The following ANO9 variants were observed in gnomAD, a reference collection of about 807,000 sequenced individuals.
ANO9 encodes the protein anoctamin-9.
In ANO9, 80 loss-of-function variants were observed where a neutral mutation model predicts 100.5. The ratio of observed to expected loss-of-function variants is 0.80; its 90% CI spans 0.66 to 0.96. The LOEUF (loss-of-function observed/expected upper bound fraction) is 0.96, where lower values mean the gene tolerates loss of function less well. Among genes scored for constraint, ANO9 ranks in the 40% least tolerant of loss-of-function variants. The pLI, the probability that ANO9 is intolerant of heterozygous loss-of-function variation, is 0.00. For synonymous variants in ANO9, 473 were observed against 435.6 expected (o/e 1.09, Z -1.07); for missense variants, 1,064 against 1,072.7 (o/e 0.99, Z 0.11).
chr11:436,224 C>T (rs886288570), intron 1 of ANO9, among the ~76,000 whole-genome samples: 4 of 152,036 alleles, frequency 2.6e-5, no homozygotes, highest in African/African-American at 4.8e-5. Context: ...TGCGCCACCA[C>T]GCCCAGCTGA....
chr11:424,905 C>CCT (rs1191637839), intron 15 of ANO9, among the ~76,000 whole-genome samples: 1 of 151,796 alleles, frequency 6.6e-6, no homozygotes, highest in Non-Finnish European at 1.5e-5. Context: ...GGAAATCTCT[C>CCT]CAGATGTTAC....
chr11:434,923 C>G (rs569674228), intron 1 of ANO9, among the ~76,000 whole-genome samples: 1 of 152,288 alleles, frequency 6.6e-6, no homozygotes, highest in South Asian at 2.1e-4. Context: ...GCACCTGAGT[C>G]CCTCCCCTCT....
chr11:436,063 C>CT (rs10707508), intron 1 of ANO9, among the ~76,000 whole-genome samples: 2,018 of 99,294 alleles, frequency 0.02, 85 homozygotes, highest in Non-Finnish European at 0.025. Context: ...CTTTTCTTTC[C>CT]TTTTTTTTTT....
chr11:437,693 TG>T (rs530454434), intron 1 of ANO9, among the ~76,000 whole-genome samples: 1 of 152,134 alleles, frequency 6.6e-6, no homozygotes, highest in East Asian at 1.9e-4. Flanking sequence ...GCAGCCTCCC[TG>T]GGGGGGACTG....
At chr11:418,867 G>C (rs1848002786) in intron 21 of ANO9, 21 bp downstream of exon 21, 2 of 1,613,550 alleles carry the variant, frequency 1.2e-6, no homozygotes, top group Non-Finnish European at 1.7e-6. Context: ...GGGCATTCTT[G>C]GGGGATGGGG....
intron 17 of ANO9, 32 bp downstream of exon 17, chr11:420,913 G>T: frequency 1.9e-6 from 3 of 1,597,036 alleles, no homozygotes. Flanking sequence ...GGGGCCTGGG[G>T]CTCCCGGGGC....
At position 420,781 on chromosome 11, in the gene ANO9, G is replaced by T. The variant is rs750147011; in HGVS notation, c.1570C>A (p.Arg524=). The T allele has an allele frequency of 1.0e-5, 16 of 1,600,804 alleles. No homozygotes were observed. Among genetic ancestry groups the T allele is most frequent in the South Asian group, 2.2e-5 (2 of 90,174 alleles). ...LPRDPELRDW[R]RNYLLNPVNT... ...ACCGGGTTCAGAAGGTAGTTGCGCCGCCAGTCCCTGAGCTCGGGGTCCCGG... is the reference window on the plus strand; with the variant it reads ...ACCGGGTTCAGAAGGTAGTTGCGCCTCCAGTCCCTGAGCTCGGGGTCCCGG... Residue 524 remains arginine (R), a synonymous_variant, in exon 18 of 23, where the codon CGG becomes AGG. Transcript: ENST00000332826.
Position 429,576 on chromosome 11 carries a change from C to G in ANO9, c.909G>C (p.Glu303Asp), listed in dbSNP as rs762694791. 6.2e-6 allele frequency: 10 copies of G among 1,612,376 alleles called. No individual in the cohort carries two copies. The East Asian group carries it at 2.2e-4, about 36-fold the overall frequency. Residue 303 changes from glutamate (E) to aspartate (D), a missense_variant, in exon 11 of 23, where the codon GAG (glutamate) becomes GAC (aspartate). Physicochemically the swap from Glu to Asp is conservative, Grantham distance 45. Transcript: ENST00000332826. ...VLHWDLYVWD[E>D]EQEEMALQLI... The stretch of plus-strand genomic sequence containing the variant: ...GCTGCCAGCTCCACCTCACCTGTTC[C>G]TCGTCCCACACGTACAGGTCCCAGT...
chr11:426,038 C>A (rs1848503712), intron 15 of ANO9, among the ~76,000 whole-genome samples: 2 of 152,158 alleles, frequency 1.3e-5, no homozygotes, highest in African/African-American at 4.8e-5. Context: ...AGCCCCTCAC[C>A]AGTAGTTTTT....
At position 422,170 on chromosome 11, in the gene ANO9, C is replaced by T. The variant is rs886824482; in HGVS notation, c.1335-972G>A. 2.0e-5 allele frequency among the ~76,000 whole-genome samples: 3 copies of T among 152,114 alleles called. No individual in the cohort carries two copies. Among genetic ancestry groups the T allele is most frequent in the Non-Finnish European group, 4.4e-5 (3 of 68,026 alleles). ...GACACCAGCACAAGTTATACCATAACGAGACTGAAACTCACAAGGCATCTG... is the reference window on the plus strand; with the variant it reads ...GACACCAGCACAAGTTATACCATAATGAGACTGAAACTCACAAGGCATCTG... On this transcript the variant is annotated intron_variant, in intron 15 of 22. Transcript: ENST00000332826. The surrounding 1 kb of genome is among the most constrained non-coding windows in gnomAD (Gnocchi z 4.3).
Position 420,930 on chromosome 11 carries a change from G to T in ANO9, c.1490+15C>A, listed in dbSNP as rs780378780. Reference sequence around the variant, plus strand: ...GGCCTGGGGCTCCCGGGGCTGGGCGGGGGTCGGCACTCACGGGACCAGGTA... The same window carrying T: ...GGCCTGGGGCTCCCGGGGCTGGGCGTGGGTCGGCACTCACGGGACCAGGTA... On this transcript the variant is annotated intron_variant, in intron 17 of 22. Transcript: ENST00000332826. The T allele has an allele frequency of 2.5e-6, 4 of 1,600,750 alleles. No homozygotes were observed. In the South Asian group the frequency reaches 4.4e-5, roughly 18 times the overall value.
rs1848202465 is a variant in ANO9, at chr11:421,629, G to A, written c.1335-431C>T. On this transcript the variant is annotated intron_variant, in intron 15 of 22. Coordinates refer to ENST00000332826, the MANE Select transcript of ANO9 (RefSeq NM_001012302.3). The surrounding 1 kb of genome is among the most constrained non-coding windows in gnomAD (Gnocchi z 6.8). ...CAGGGGAGGCCACAGGCTCCCAGAC[G>A]AACCGCACCTGCACGTGGGCGCACA... Among the ~76,000 whole-genome samples the A allele has an allele frequency of 6.7e-6, 1 of 149,080 alleles. No homozygotes were observed. Among genetic ancestry groups the A allele is most frequent in the South Asian group, 2.2e-4 (1 of 4,638 alleles).
intron 1 of ANO9, among the ~76,000 whole-genome samples, chr11:438,570 C>T (rs981666584): frequency 1.1e-4 from 16 of 151,840 alleles, no homozygotes; most frequent in Non-Finnish European, 2.4e-4. Flanking sequence ...AGGACCGGGC[C>T]GTCCATCTGT....
At chr11:433,779 C>T in intron 3 of ANO9, 36 bp downstream of exon 3, 4 of 1,541,034 alleles carry the variant, frequency 2.6e-6, no homozygotes, top group Non-Finnish European at 3.5e-6. Context: ...CCCGCCCCGG[C>T]CCCATGGCCC....
rs1848422226 is a variant in ANO9, at chr11:425,075, CGCGCGGGAGGAAAAGGCG to C, written c.1334+2995_1334+3012del. On this transcript the variant is annotated intron_variant, in intron 15 of 22. Transcript: ENST00000332826. Reference sequence around the variant, plus strand: ...GAAAAGGCGGCGTGGAGAGACGGGACGCGCGGGAGGAAAAGGCGGCGTGGAGAGACGGGACGCGCGGGA... The same window carrying C: ...GAAAAGGCGGCGTGGAGAGACGGGACGCGTGGAGAGACGGGACGCGCGGGA... Among the ~76,000 whole-genome samples the C allele has an allele frequency of 8.3e-5, 3 of 36,264 alleles. 1 individual carries two copies. Among genetic ancestry groups the C allele is most frequent in the African/African-American group, 2.4e-4 (2 of 8,364 alleles). 23.8% of individuals were successfully genotyped at this position (36,264 alleles called of 152,430 possible).
chr11:418,670 G>A, intron 22 of ANO9, 50 bp downstream of exon 22: 1 of 1,611,462 alleles, frequency 6.2e-7, no homozygotes, highest in Non-Finnish European at 8.5e-7. Context: ...GAAGGACTGG[G>A]GAGAGCACTG....
intron 19 of ANO9, 195 bp from the exon 20 acceptor site, chr11:419,924 C>T (rs1436845449): frequency 7.1e-7 from 1 of 1,407,496 alleles, no homozygotes; most frequent in East Asian, 2.5e-5. Flanking sequence ...CACCCCTCAC[C>T]CTGACATGGA....
chr11:420,581 G>T lies in ANO9; in HGVS notation c.1668C>A (p.Ala556=). The change falls in exon 19 of 23, where the codon GCC becomes GCA. Residue 556 remains alanine, a synonymous_variant. Coordinates refer to ENST00000332826, the MANE Select transcript of ANO9 (RefSeq NM_001012302.3). ...IQYGFTTIFV[A]AFPLAPLLAL... ...CGAGCAGCGGCGCCAGCGGGAAGGC[G>T]GCCACGAAGATGGTGGTGAAGCCGT... 1 of 1,605,154 alleles carries T rather than the reference G, an allele frequency of 6.2e-7. No individual in the cohort carries two copies. The highest frequency in any genetic ancestry group is 8.5e-7 in the Non-Finnish European group (1 of 1,179,522).
At chr11:441,464 C>T (rs1444842455) in intron 1 of ANO9, among the ~76,000 whole-genome samples, 1 of 152,132 alleles carries the variant, frequency 6.6e-6, no homozygotes, top group Non-Finnish European at 1.5e-5. Flanking sequence ...GCCGGCCACT[C>T]TGCAGCTCCC....
Sources: allele counts gnomAD v4.1 joint callset (sites outside exome capture counted in the v4.1 genomes callset), GRCh38; gene constraint gnomAD v4.1.1; non-coding constraint Gnocchi (gnomAD v3.1); transcripts MANE v1.5; gene names NCBI Gene and HGNC (gene_info 2026-07-23, HGNC 2026-07-21).